The following EDN1 variants were observed in gnomAD, a reference collection of about 807,000 sequenced individuals.
EDN1 encodes the protein endothelin-1.
A neutral mutation model predicts 21.7 loss-of-function variants in EDN1; 11 were observed. The ratio of observed to expected loss-of-function variants is 0.51; its 90% CI spans 0.32 to 0.84. EDN1 has a LOEUF of 0.84. EDN1 is among the 40% of genes least tolerant of loss of function. The pLI, the probability that EDN1 is intolerant of heterozygous loss-of-function variation, is 0.03. For missense variants in EDN1, 244 were observed against 262.3 expected, an observed-to-expected ratio of 0.93 and a Z score of 0.48; for synonymous variants, 85 against 90.6, an observed-to-expected ratio of 0.94 and a Z score of 0.35.
chr6:12,282,059 A>T, the EDN1 span, among the ~76,000 whole-genome samples: 1 of 152,132 alleles, frequency 6.6e-6, no homozygotes, highest in Admixed American at 6.5e-5. Flanking sequence ...TATAGGAAAA[A>T]ATGCTAACCA....
chr6:12,275,849 G>C, the EDN1 span, among the ~76,000 whole-genome samples: 1 of 151,644 alleles, frequency 6.6e-6, no homozygotes, highest in African/African-American at 2.4e-5. Flanking sequence ...ATGCCCATTT[G>C]TATTTGTACA....
the EDN1 span, among the ~76,000 whole-genome samples, chr6:12,258,441 T>C: frequency 1.2e-5 from 1 of 84,750 alleles, no homozygotes; most frequent in Non-Finnish European, 1.9e-5. Context: ...CGGAGTGAGA[T>C]CATGTCTCAA....
At chr6:12,281,031 T>G in the EDN1 span, among the ~76,000 whole-genome samples, 1 of 152,256 alleles carries the variant, frequency 6.6e-6, no homozygotes, top group Non-Finnish European at 1.5e-5. Flanking sequence ...TTTTCTCCAC[T>G]GCCTACTTCA....
At chr6:12,265,503 C>T in the EDN1 span, among the ~76,000 whole-genome samples, 1 of 152,198 alleles carries the variant, frequency 6.6e-6, no homozygotes, top group African/African-American at 2.4e-5. Flanking sequence ...CATGTGCATG[C>T]ACAGAGGGTT....
chr6:12,287,469 A>G (rs1310530610), upstream of EDN1, among the ~76,000 whole-genome samples: 1 of 151,756 alleles, frequency 6.6e-6, no homozygotes, highest in Non-Finnish European at 1.5e-5. Flanking sequence ...TCTTGGGAAA[A>G]TGTCTTGCTG....
rs1284339791 is a variant in EDN1 at position 12,296,039 on chromosome 6, A to G, written c.611A>G (p.Tyr204Cys). The G allele has an allele frequency of 1.2e-6, 2 of 1,614,032 alleles. No individual in the cohort carries two copies. The highest frequency in any genetic ancestry group is 4.5e-5 in the East Asian group (2 of 44,868). The change falls in exon 5 of 5, where the codon TAT (tyrosine) becomes TGT (cysteine). Residue 204 changes from tyrosine to cysteine, a missense_variant. Physicochemically the swap from Tyr to Cys is radical, Grantham distance 194. Transcript: ENST00000379375. ...AAAGGCAAGCCCTCCAGAGAGCGTT[A>G]TGTGACCCACAACCGAGCACATTGG... ...KLKGKPSRER[Y>C]VTHNRAHW
At chr6:12,253,759 A>G in the EDN1 span, among the ~76,000 whole-genome samples, 1 of 152,182 alleles carries the variant, frequency 6.6e-6, no homozygotes. Flanking sequence ...CATCTGACTC[A>G]GTTTCTGCTC....
the EDN1 span, among the ~76,000 whole-genome samples, chr6:12,271,293 G>A: frequency 6.6e-6 from 1 of 151,948 alleles, no homozygotes; most frequent in African/African-American, 2.4e-5. Flanking sequence ...ATGTTTGGGT[G>A]ATTTTCTGTA....
chr6:12,274,333 G>C, the EDN1 span, among the ~76,000 whole-genome samples: 1 of 152,222 alleles, frequency 6.6e-6, no homozygotes, highest in Admixed American at 6.5e-5. Flanking sequence ...GAGTGCAATA[G>C]ACAGAGATCA....
chr6:12,231,954 A>G, the EDN1 span, among the ~76,000 whole-genome samples: 1 of 151,660 alleles, frequency 6.6e-6, no homozygotes, highest in East Asian at 1.9e-4. Flanking sequence ...CCAAAAAACA[A>G]TAGACTTAAA....
the EDN1 span, among the ~76,000 whole-genome samples, chr6:12,253,620 G>C: frequency 6.6e-6 from 1 of 152,076 alleles, no homozygotes; most frequent in Admixed American, 6.5e-5. Flanking sequence ...AAAATGTAGG[G>C]TAGAAAAATT....
chr6:12,283,539 C>T, the EDN1 span, among the ~76,000 whole-genome samples: 1 of 152,104 alleles, frequency 6.6e-6, no homozygotes, highest in African/African-American at 2.4e-5. Flanking sequence ...CGACACAGTC[C>T]ACACCATGAA....
At chr6:12,276,795 C>CA in the EDN1 span, among the ~76,000 whole-genome samples, 2 of 152,222 alleles carry the variant, frequency 1.3e-5, no homozygotes, top group African/African-American at 4.8e-5. Flanking sequence ...ACACCAATGC[C>CA]TGGGAGGCAG....
chr6:12,247,962 A>G, the EDN1 span, among the ~76,000 whole-genome samples: 1 of 152,118 alleles, frequency 6.6e-6, no homozygotes, highest in Non-Finnish European at 1.5e-5. Flanking sequence ...TAAAGGATAA[A>G]TAAAGTCATA....
At chr6:12,288,135 A>T (rs1762594585), upstream of EDN1, among the ~76,000 whole-genome samples, 1 of 151,794 alleles carries the variant, frequency 6.6e-6, no homozygotes, top group African/African-American at 2.4e-5. Context: ...CCCAGGCTGG[A>T]CCTGAGAATA....
the EDN1 span, among the ~76,000 whole-genome samples, chr6:12,284,748 G>GAAGAAAGAAAGAAAGA: frequency 1.1e-3 from 86 of 78,520 alleles, no homozygotes; most frequent in East Asian, 4.6e-3. Flanking sequence ...AGGAAGGAAG[G>GAAGAAAGAAAGAAAGA]AAGAAAGAAA....
chr6:12,290,618 C>T lies in EDN1; in HGVS notation c.-12C>T, dbSNP rs1561692493. 1.2e-6 allele frequency: 2 copies of T among 1,613,688 alleles called. No homozygotes were observed. The highest frequency in any genetic ancestry group is 1.1e-5 in the South Asian group (1 of 91,062). On this transcript the variant is annotated 5_prime_UTR_variant, in exon 1 of 5. Coordinates refer to ENST00000379375, the MANE Select transcript of EDN1 (RefSeq NM_001955.5). ...AGTTTGAACGGGAGGTTTTTGATCC[C>T]TTTTTTTCAGAATGGATTATTTGCT...
chr6:12,256,167 G>A, the EDN1 span, among the ~76,000 whole-genome samples: 2 of 152,068 alleles, frequency 1.3e-5, no homozygotes, highest in African/African-American at 2.4e-5. Context: ...GCAACAAAGC[G>A]AGAGTCCCAT....
At chr6:12,258,473 C>CAAAAAAA in the EDN1 span, among the ~76,000 whole-genome samples, 4 of 67,430 alleles carry the variant, frequency 5.9e-5, no homozygotes, top group Non-Finnish European at 8.7e-5. Flanking sequence ...AAAAAAAAAG[C>CAAAAAAA]CAATTACATT....
Sources: allele counts gnomAD v4.1 joint callset (sites outside exome capture counted in the v4.1 genomes callset), GRCh38; gene constraint gnomAD v4.1.1; transcripts MANE v1.5; gene names NCBI Gene and HGNC (gene_info 2026-07-23, HGNC 2026-07-21).